Variants in INO80 observed in about 807,000 individuals in gnomAD.
INO80 encodes the protein INO80 complex ATPase subunit, also known as chromatin-remodeling ATPase INO80.
INO80 carries 20 observed loss-of-function variants against 203.4 expected under a neutral mutation model. The ratio of observed to expected loss-of-function variants is 0.10; its 90% CI spans 0.07 to 0.14. The LOEUF (loss-of-function observed/expected upper bound fraction) is 0.14. Ranked by LOEUF, INO80 falls within the 10% of genes least tolerant of loss-of-function variation. INO80 has a pLI of 1.00. For missense variants in INO80, 1,419 were observed against 1,914.4 expected, an observed-to-expected ratio of 0.74 and a Z score of 4.83; for synonymous variants, 726 against 685.2, an observed-to-expected ratio of 1.06 and a Z score of -0.93.
rs180683308 is a variant in INO80, at chr15:41,085,150, G to A, written c.873+219C>T. On this transcript the variant is annotated intron_variant, in intron 7 of 35. Transcript: ENST00000648947. ...AGTTGTCCTCCAATTTTTTGACCAC[G>A]GAGCATCACACAATAACTAATTGTC... Among the ~76,000 whole-genome samples, 419 of 152,184 alleles carry A rather than the reference G, an allele frequency of 2.8e-3. 3 individuals carry two copies. The highest frequency in any genetic ancestry group is 0.013 in the South Asian group (63 of 4,818).
At chr15:41,023,099 T>G in intron 25 of INO80, 2 of 247,458 alleles carry the variant, frequency 8.1e-6, no homozygotes, top group Non-Finnish European at 1.5e-5. Flanking sequence ...ACAGACTGTC[T>G]CAAAAAAAAA....
chr15:41,082,212 T>G (rs1463133554), intron 7 of INO80, among the ~76,000 whole-genome samples: 2 of 141,228 alleles, frequency 1.4e-5, no homozygotes, highest in Admixed American at 1.5e-4. Flanking sequence ...ATCGTACCAC[T>G]GCACTCCAGC....
intron 28 of INO80, among the ~76,000 whole-genome samples, chr15:41,000,556 G>A (rs1196034145): frequency 2.6e-5 from 4 of 151,538 alleles, no homozygotes; most frequent in Non-Finnish European, 5.9e-5. Flanking sequence ...TTAGCTGGGT[G>A]TGGTGGTACG....
At chr15:41,113,835 C>T (rs1356639342) in intron 1 of INO80, among the ~76,000 whole-genome samples, 1 of 152,184 alleles carries the variant, frequency 6.6e-6, no homozygotes, top group African/African-American at 2.4e-5. Flanking sequence ...TAGTCATAAA[C>T]TTTTCTAATC....
At chr15:41,052,140 CA>C (rs941474633) in intron 19 of INO80, among the ~76,000 whole-genome samples, 60 of 141,036 alleles carry the variant, frequency 4.3e-4, no homozygotes, top group African/African-American at 4.2e-4. Flanking sequence ...AATCCAGTCT[CA>C]AAAAAAAAAA....
At chr15:41,018,998 A>G (rs2044249964) in intron 26 of INO80, among the ~76,000 whole-genome samples, 1 of 152,226 alleles carries the variant, frequency 6.6e-6, no homozygotes. Flanking sequence ...CTACAATCCT[A>G]TAGTACTTTC....
chr15:41,108,530 T>G lies in INO80; in HGVS notation c.-44+7443A>C, dbSNP rs534924302. On this transcript the variant is annotated intron_variant, in intron 1 of 35. Transcript: ENST00000648947. Reference sequence around the variant, plus strand: ...TGGCATGAACTCGGGAGGCGGAGCTTGCAGTGAGCCGAGATCTCGCCACTG... The same window carrying G: ...TGGCATGAACTCGGGAGGCGGAGCTGGCAGTGAGCCGAGATCTCGCCACTG... Among the ~76,000 whole-genome samples, 81 of 147,126 alleles carry G rather than the reference T, an allele frequency of 5.5e-4. 2 individuals are homozygous for G. The highest frequency in any genetic ancestry group is 2.0e-3 in the African/African-American group (78 of 39,678).
At chr15:41,073,312 C>A in intron 11 of INO80, 116 bp downstream of exon 11, 1 of 864,168 alleles carries the variant, frequency 1.2e-6, no homozygotes. Flanking sequence ...TATACACAAG[C>A]TAGTCTATGC....
chr15:41,044,885 T>C lies in INO80; in HGVS notation c.2907+19A>G, dbSNP rs2044727037. The C allele has an allele frequency of 1.9e-6, 3 of 1,580,338 alleles. No homozygotes were observed. Among genetic ancestry groups the C allele is most frequent in the African/African-American group, 1.4e-5 (1 of 72,906 alleles). ...AAGAAGATACTAAGTAGGTAATTTATGCTCAAATAATTGCTTACCTTTAAC... is the reference window on the plus strand; with the variant it reads ...AAGAAGATACTAAGTAGGTAATTTACGCTCAAATAATTGCTTACCTTTAAC... On this transcript the variant is annotated intron_variant, in intron 24 of 35. Transcript: ENST00000648947.
chr15:41,096,673 C>G lies in INO80; in HGVS notation c.-43-320G>C, dbSNP rs142266558. 4.5e-3 allele frequency among the ~76,000 whole-genome samples: 690 copies of G among 152,140 alleles called. 8 individuals carry two copies. Among genetic ancestry groups the G allele is most frequent in the African/African-American group, 0.016 (667 of 41,486 alleles). ...TTTATCCCTTTCAATAAAAAATTAC[C>G]CAAAACTATGAATAAACAACTATCC... On this transcript the variant is annotated intron_variant, in intron 1 of 35. Coordinates refer to ENST00000648947, the MANE Select transcript of INO80 (RefSeq NM_017553.3).
At chr15:41,066,870 G>T (rs936675543) in intron 14 of INO80, among the ~76,000 whole-genome samples, 39 of 132,902 alleles carry the variant, frequency 2.9e-4, no homozygotes, top group African/African-American at 1.0e-3. Flanking sequence ...AAAATCAAAA[G>T]AGGTGGCAAC....
At chr15:41,107,278 G>C (rs1342498470) in intron 1 of INO80, among the ~76,000 whole-genome samples, 1 of 151,356 alleles carries the variant, frequency 6.6e-6, no homozygotes, top group Non-Finnish European at 1.5e-5. Flanking sequence ...TTTGAGGCCA[G>C]GAGTTCAAGA....
chr15:41,005,628 C>T lies in INO80; in HGVS notation c.3462G>A (p.Ser1154=), dbSNP rs376233588. The T allele has an allele frequency of 6.8e-5, 110 of 1,608,710 alleles. No homozygotes were observed. In the East Asian group the frequency reaches 2.2e-3, roughly 33 times the overall value. ...YMRLDGSSKI[S]ERRDMVADFQ... ...AATCAGCAACCATGTCTCGCCTCTC[C>T]GAGATCTTGGATGAGCCATCAAGCC... Residue 1154 remains serine, a synonymous_variant, in exon 28 of 36, where the codon TCG becomes TCA. Coordinates refer to ENST00000648947, the MANE Select transcript of INO80 (RefSeq NM_017553.3).
Position 41,003,713 on chromosome 15 carries a change from G to GA in INO80, c.3497+1879dup, listed in dbSNP as rs2043998104. Among the ~76,000 whole-genome samples, 6 of 152,062 alleles carry GA rather than the reference G, an allele frequency of 3.9e-5. No homozygotes were observed. In the South Asian group the frequency reaches 1.2e-3, roughly 32 times the overall value. On this transcript the variant is annotated intron_variant, in intron 28 of 35. Coordinates refer to ENST00000648947, the MANE Select transcript of INO80 (RefSeq NM_017553.3). ...TATAAAGTCCCCAACTGTTACTGAAGAAAAACAAAACATTACTGTTAAAAA... is the reference window on the plus strand; with the variant it reads ...TATAAAGTCCCCAACTGTTACTGAAGAAAAAACAAAACATTACTGTTAAAAA...
chr15:40,979,799 T>C lies in INO80; in HGVS notation c.*424A>G. 4.9e-6 allele frequency: 1 copy of C among 204,932 alleles called. No individual in the cohort carries two copies. The highest frequency in any genetic ancestry group is 8.7e-5 in the South Asian group (1 of 11,480). 12.7% of individuals were successfully genotyped at this position (204,932 alleles called of 1,614,324 possible). A position where few individuals can be genotyped will look rare whatever the true frequency, so the allele number is the denominator to read the frequency against. Reference sequence around the variant, plus strand: ...TCTCCCTTACTAGCCCTATGAGAAATCACACTCTTAAGAGAAATCTCTACC... The same window carrying C: ...TCTCCCTTACTAGCCCTATGAGAAACCACACTCTTAAGAGAAATCTCTACC... On this transcript the variant is annotated 3_prime_UTR_variant, in exon 36 of 36. Transcript: ENST00000648947.
At chr15:41,107,726 G>A (rs371937355) in intron 1 of INO80, among the ~76,000 whole-genome samples, 1 of 152,038 alleles carries the variant, frequency 6.6e-6, no homozygotes, top group African/African-American at 2.4e-5. Context: ...CTTGAGCCTG[G>A]GAAACAGAGG....
intron 16 of INO80, among the ~76,000 whole-genome samples, chr15:41,057,489 G>T (rs2045008770): frequency 6.7e-6 from 1 of 148,828 alleles, no homozygotes; most frequent in African/African-American, 2.5e-5. Flanking sequence ...ATTGCTGTAG[G>T]AAGTAAGACC....
intron 1 of INO80, among the ~76,000 whole-genome samples, chr15:41,105,502 A>C (rs2045868204): frequency 6.6e-6 from 1 of 152,150 alleles, no homozygotes; most frequent in Non-Finnish European, 1.5e-5. Flanking sequence ...AACTCGCCCA[A>C]GATCATACAA....
At chr15:41,093,725 G>A (rs975040671) in intron 4 of INO80, among the ~76,000 whole-genome samples, 2 of 152,072 alleles carry the variant, frequency 1.3e-5, no homozygotes, top group Non-Finnish European at 2.9e-5. Flanking sequence ...GTGCGGGCCT[G>A]TAGTCCTACT....
Sources: gnomAD v4.1 joint callset for allele counts (sites outside exome capture counted in the v4.1 genomes callset) on GRCh38, gnomAD v4.1.1 for gene constraint, MANE v1.5 for transcripts, NCBI Gene and HGNC (gene_info 2026-07-23, HGNC 2026-07-21) for gene names.